Variants in SPOCK1 observed in about 807,000 individuals in gnomAD.
SPOCK1 encodes the protein testican-1.
In SPOCK1, 23 loss-of-function variants were observed where a neutral mutation model predicts 55.3. That is an observed-to-expected ratio of 0.42 (90% confidence interval 0.30 to 0.59). The LOEUF (loss-of-function observed/expected upper bound fraction) is 0.59. Among genes scored for constraint, SPOCK1 ranks in the 20% least tolerant of loss-of-function variants. The pLI is 0.22. For missense variants in SPOCK1, 499 were observed against 552.5 expected, an observed-to-expected ratio of 0.90 and a Z score of 0.97; for synonymous variants, 226 against 221.0, an observed-to-expected ratio of 1.02 and a Z score of -0.20.
intron 2 of SPOCK1, among the ~76,000 whole-genome samples, chr5:137,441,110 T>C (rs141059879): frequency 6.6e-6 from 1 of 152,306 alleles, no homozygotes; most frequent in African/African-American, 2.4e-5. Context: ...TAGAAATAGG[T>C]GAGTCACAAT....
chr5:137,187,218 T>C (rs1484505997), intron 3 of SPOCK1, among the ~76,000 whole-genome samples: 1 of 152,144 alleles, frequency 6.6e-6, no homozygotes, highest in Non-Finnish European at 1.5e-5. Context: ...GACATTTCTC[T>C]AGGCCCGACC....
At chr5:137,132,020 A>ATAT (rs1491415264) in intron 4 of SPOCK1, among the ~76,000 whole-genome samples, 4 of 84,270 alleles carry the variant, frequency 4.7e-5, no homozygotes, top group East Asian at 3.3e-4. Flanking sequence ...ATATATATAT[A>ATAT]AAAAATTAGC....
intron 2 of SPOCK1, among the ~76,000 whole-genome samples, chr5:137,449,506 G>A (rs1444157520): frequency 6.6e-6 from 1 of 152,156 alleles, no homozygotes; most frequent in Non-Finnish European, 1.5e-5. Context: ...GATGGGCTCT[G>A]CCAAGTAGAT....
intron 2 of SPOCK1, among the ~76,000 whole-genome samples, chr5:137,494,100 C>A (rs932737143): frequency 6.6e-6 from 1 of 152,128 alleles, no homozygotes; most frequent in Non-Finnish European, 1.5e-5. Flanking sequence ...GGTAATTATC[C>A]TAAAGTTAAA....
At position 137,428,435 on chromosome 5, in the gene SPOCK1, C is replaced by T. The variant is rs1752679441; in HGVS notation, c.186+69938G>A. Among the ~76,000 whole-genome samples the T allele has an allele frequency of 2.0e-5, 3 of 152,284 alleles. No homozygotes were observed. The South Asian group carries it at 6.2e-4, about 32-fold the overall frequency. ...GGCCATGGGAGAGCCAGTCCCCAAC[C>T]TGTCCTTCAAGGCAACTCCACCGAC... On this transcript the variant is annotated intron_variant, in intron 2 of 10. Coordinates refer to ENST00000394945, the MANE Select transcript of SPOCK1 (RefSeq NM_004598.4).
chr5:137,133,160 G>A (rs1407567754), intron 4 of SPOCK1, among the ~76,000 whole-genome samples: 1 of 152,076 alleles, frequency 6.6e-6, no homozygotes, highest in Non-Finnish European at 1.5e-5. Context: ...ACAAGGTCAG[G>A]TGATACAGAC....
At chr5:136,995,032 T>C (rs950256075) in intron 6 of SPOCK1, among the ~76,000 whole-genome samples, 2 of 151,964 alleles carry the variant, frequency 1.3e-5, no homozygotes, top group Non-Finnish European at 2.9e-5. Context: ...AAAAATCTAA[T>C]AGATAGTTCC....
chr5:137,360,488 A>G (rs13180942), intron 2 of SPOCK1, among the ~76,000 whole-genome samples: 19,485 of 152,188 alleles, frequency 0.13, 1,568 homozygotes, highest in East Asian at 0.27. Context: ...CCTAGGATGC[A>G]CCCTTAAGTC....
At chr5:137,453,701 T>C (rs141993000) in intron 2 of SPOCK1, among the ~76,000 whole-genome samples, 1 of 152,320 alleles carries the variant, frequency 6.6e-6, no homozygotes, top group East Asian at 1.9e-4. Flanking sequence ...TTAGCATTGC[T>C]GAGATACATA....
At chr5:137,031,181 C>A (rs1580715897) in intron 6 of SPOCK1, among the ~76,000 whole-genome samples, 1 of 152,118 alleles carries the variant, frequency 6.6e-6, no homozygotes, top group Non-Finnish European at 1.5e-5. Flanking sequence ...CCCACATTAT[C>A]CCTGACTTGG....
intron 3 of SPOCK1, among the ~76,000 whole-genome samples, chr5:137,249,056 T>C (rs1390658545): frequency 1.3e-5 from 2 of 152,200 alleles, no homozygotes; most frequent in African/African-American, 2.4e-5. Context: ...ACACAATCTA[T>C]TTTCTCAGCA....
At chr5:137,425,659 G>T (rs1752591910) in intron 2 of SPOCK1, among the ~76,000 whole-genome samples, 1 of 152,110 alleles carries the variant, frequency 6.6e-6, no homozygotes, top group African/African-American at 2.4e-5. Context: ...CTCAAGCTGG[G>T]ACCTGCTTAC....
At chr5:137,279,261 T>G (rs970746312) in intron 2 of SPOCK1, among the ~76,000 whole-genome samples, 3 of 152,176 alleles carry the variant, frequency 2.0e-5, no homozygotes, top group Non-Finnish European at 4.4e-5. Flanking sequence ...CTTACCCTCT[T>G]GAAACCCATG....
intron 2 of SPOCK1, among the ~76,000 whole-genome samples, chr5:137,426,145 G>A (rs764135742): frequency 2.6e-5 from 4 of 152,206 alleles, no homozygotes; most frequent in Non-Finnish European, 5.9e-5. Flanking sequence ...CATGACAAGA[G>A]TACCTGGCTT....
chr5:137,061,385 G>T (rs1752391362), intron 6 of SPOCK1, among the ~76,000 whole-genome samples: 1 of 152,176 alleles, frequency 6.6e-6, no homozygotes. Flanking sequence ...GTCAACCCAA[G>T]ACAGTTTCCC....
chr5:137,328,769 C>T (rs891390438), intron 2 of SPOCK1, among the ~76,000 whole-genome samples: 7 of 152,174 alleles, frequency 4.6e-5, no homozygotes, highest in Admixed American at 2.6e-4. Context: ...ACAATCAGTA[C>T]GCGGCAGAAC....
At chr5:137,423,200 G>A (rs539659604) in intron 2 of SPOCK1, among the ~76,000 whole-genome samples, 1 of 152,204 alleles carries the variant, frequency 6.6e-6, no homozygotes, top group Non-Finnish European at 1.5e-5. Context: ...CCCCTACTGG[G>A]GGGTGCCTCC....
At chr5:137,495,118 G>A (rs1374797221) in intron 2 of SPOCK1, among the ~76,000 whole-genome samples, 1 of 152,196 alleles carries the variant, frequency 6.6e-6, no homozygotes, top group African/African-American at 2.4e-5. Flanking sequence ...AATACATTTA[G>A]GAGCAATCAT....
rs1753495952 is a variant in SPOCK1 at position 137,112,555 on chromosome 5, C to T, written c.354G>A (p.Lys118=). Residue 118 remains lysine (K), a synonymous_variant, in exon 5 of 11, where the codon AAG becomes AAA. Coordinates refer to ENST00000394945, the MANE Select transcript of SPOCK1 (RefSeq NM_004598.4). The stretch of plus-strand genomic sequence containing the variant: ...AGTGTTTCTGGGCCACGTTCCCCTT[C>T]TTTTGCCTAAAGATGAGAAAAAAGG... ...VSRKHLLPRQ[K]KGNVAQKHWV... 6.8e-6 allele frequency: 11 copies of T among 1,613,204 alleles called. No homozygotes were observed. Among genetic ancestry groups the T allele is most frequent in the African/African-American group, 1.3e-5 (1 of 74,834 alleles).
Sources: allele counts gnomAD v4.1 joint callset (sites outside exome capture counted in the v4.1 genomes callset), GRCh38; gene constraint gnomAD v4.1.1; transcripts MANE v1.5; gene names NCBI Gene and HGNC (gene_info 2026-07-23, HGNC 2026-07-21).